The following BLMH variants were observed in gnomAD, a reference collection of about 807,000 sequenced individuals.
BLMH encodes BLM hydrolase.
A neutral mutation model predicts 61.6 loss-of-function variants in BLMH; 32 were observed. That is an observed-to-expected ratio of 0.52 (90% CI 0.39 to 0.70). The LOEUF is 0.70. BLMH is among the 30% of genes least tolerant of loss of function. The pLI is 0.00. For missense variants in BLMH, 460 were observed against 555.5 expected, an observed-to-expected ratio of 0.83 and a Z score of 1.73; for synonymous variants, 183 against 193.8, an observed-to-expected ratio of 0.94 and a Z score of 0.46.
chr17:30,270,142 A>G (rs1040390598), intron 10 of BLMH, among the ~76,000 whole-genome samples: 4 of 152,232 alleles, frequency 2.6e-5, no homozygotes, highest in African/African-American at 9.6e-5. Flanking sequence ...ATATGCTAAG[A>G]TATTTCTAAA....
At chr17:30,286,229 C>T (rs528116083) in intron 5 of BLMH, among the ~76,000 whole-genome samples, 25 of 152,198 alleles carry the variant, frequency 1.6e-4, no homozygotes, top group Non-Finnish European at 3.7e-4. Context: ...TTCTCAAAAA[C>T]CATGCCTGGC....
intron 10 of BLMH, among the ~76,000 whole-genome samples, chr17:30,268,682 A>C (rs929444720): frequency 6.6e-6 from 1 of 151,912 alleles, no homozygotes; most frequent in Non-Finnish European, 1.5e-5. Context: ...AAAAAGCTGA[A>C]TTTTTCTTGG....
chr17:30,279,037 G>A (rs900834185), intron 6 of BLMH, among the ~76,000 whole-genome samples: 14 of 152,164 alleles, frequency 9.2e-5, no homozygotes, highest in Non-Finnish European at 1.8e-4. Context: ...GGGTGGACTT[G>A]GAATATGGGC....
At chr17:30,271,088 T>C (rs1024966154) in intron 10 of BLMH, among the ~76,000 whole-genome samples, 183 bp downstream of exon 10, 4 of 152,348 alleles carry the variant, frequency 2.6e-5, no homozygotes, top group Non-Finnish European at 5.9e-5. Flanking sequence ...AAAGTTCCTA[T>C]TTTTATATTA....
intron 6 of BLMH, among the ~76,000 whole-genome samples, chr17:30,279,082 T>C (rs1391575799): frequency 6.6e-6 from 1 of 152,250 alleles, no homozygotes; most frequent in Non-Finnish European, 1.5e-5. Context: ...GGCAAAGATA[T>C]ACACGGCTCA....
intron 11 of BLMH, among the ~76,000 whole-genome samples, chr17:30,253,510 T>A (rs1266066325): frequency 6.6e-6 from 1 of 152,146 alleles, no homozygotes; most frequent in Non-Finnish European, 1.5e-5. Flanking sequence ...TGACACTGTG[T>A]GTCTTGGAGT....
chr17:30,272,420 T>C, intron 9 of BLMH, 141 bp downstream of exon 9: 1 of 893,842 alleles, frequency 1.1e-6, no homozygotes, highest in African/African-American at 1.7e-5. Flanking sequence ...CCTCAAACTC[T>C]AAAGGATGCA....
In BLMH at chr17:30,285,370, T is replaced by C; in HGVS notation, c.645+18A>G. The stretch of plus-strand genomic sequence containing the variant: ...GTTCCTTAGAGGGGTCACAAAAAAA[T>C]CCAAATTTTGTTATTACCTCCTCCA... On this transcript the variant is annotated intron_variant, in intron 6 of 11. Coordinates refer to ENST00000261714, the MANE Select transcript of BLMH (RefSeq NM_000386.4). 1.3e-6 allele frequency: 2 copies of C among 1,592,224 alleles called. No individual in the cohort carries two copies. The highest frequency in any genetic ancestry group is 1.7e-6 in the Non-Finnish European group (2 of 1,165,806).
chr17:30,286,946 G>T, intron 4 of BLMH, 44 bp from the exon 5 acceptor site: 1 of 1,302,852 alleles, frequency 7.7e-7, no homozygotes, highest in Non-Finnish European at 1.1e-6. Context: ...TAAAAAATTA[G>T]AAACCCTGGC....
chr17:30,255,875 C>T (rs1292797442), intron 11 of BLMH, among the ~76,000 whole-genome samples: 8 of 152,036 alleles, frequency 5.3e-5, no homozygotes, highest in Admixed American at 6.6e-5. Flanking sequence ...CCAGCCTGGG[C>T]GACAGAGTGA....
At chr17:30,278,325 T>C (rs1908481140) in intron 6 of BLMH, among the ~76,000 whole-genome samples, 1 of 152,204 alleles carries the variant, frequency 6.6e-6, no homozygotes, top group Non-Finnish European at 1.5e-5. Context: ...CAAGAGATTA[T>C]ACAGAATTGA....
intron 2 of BLMH, among the ~76,000 whole-genome samples, chr17:30,290,612 TA>T (rs1174202263): frequency 4.6e-5 from 7 of 152,376 alleles, no homozygotes; most frequent in Admixed American, 2.0e-4. Flanking sequence ...GGGTCGTTTT[TA>T]AGTATAGAAA....
At chr17:30,286,726 A>T (rs1386609676) in intron 5 of BLMH, 88 bp downstream of exon 5, 1 of 887,392 alleles carries the variant, frequency 1.1e-6, no homozygotes, top group African/African-American at 1.7e-5. Context: ...CACAAACTGT[A>T]TACAGAGATA....
chr17:30,254,025 T>G (rs17767256), intron 11 of BLMH, among the ~76,000 whole-genome samples: 51,052 of 152,090 alleles, frequency 0.34, 8,837 homozygotes, highest in African/African-American at 0.37. Context: ...TGGGCTAGTT[T>G]AAGGGAAAAA....
chr17:30,274,410 T>A (rs1352979516), intron 6 of BLMH, among the ~76,000 whole-genome samples: 1 of 152,200 alleles, frequency 6.6e-6, no homozygotes, highest in African/African-American at 2.4e-5. Flanking sequence ...ATAAACACTG[T>A]GAACAATGCG....
intron 6 of BLMH, among the ~76,000 whole-genome samples, chr17:30,280,665 A>G (rs535928639): frequency 6.6e-6 from 1 of 152,084 alleles, no homozygotes; most frequent in South Asian, 2.1e-4. Context: ...TCTTGTAGAG[A>G]TGGGGTCTCT....
intron 2 of BLMH, 121 bp from the exon 3 acceptor site, chr17:30,289,603 A>G (rs1008836568): frequency 1.9e-6 from 1 of 521,904 alleles, no homozygotes; most frequent in Non-Finnish European, 3.2e-6. Context: ...GTAAATCAGA[A>G]AGAGCAGAAA....
At chr17:30,270,210 C>T (rs1454257190) in intron 10 of BLMH, among the ~76,000 whole-genome samples, 1 of 152,032 alleles carries the variant, frequency 6.6e-6, no homozygotes, top group East Asian at 1.9e-4. Context: ...TCTATCAAAC[C>T]ATTTTCTAGC....
chr17:30,289,487 A>T lies in BLMH; in HGVS notation c.212-5T>A. 1 of 1,602,316 alleles carries T rather than the reference A, an allele frequency of 6.2e-7. No homozygotes were observed. Reference sequence around the variant, plus strand: ...AAGAAAAGATCCAGCATCGCCCTGAAACAAGAAAGCACATCAAGAAATTAT... The same window carrying T: ...AAGAAAAGATCCAGCATCGCCCTGATACAAGAAAGCACATCAAGAAATTAT... On this transcript the variant is annotated splice_region_variant and splice_polypyrimidine_tract_variant and intron_variant, in intron 2 of 11. Transcript: ENST00000261714.
Sources: gnomAD v4.1 joint callset for allele counts (sites outside exome capture counted in the v4.1 genomes callset) on GRCh38, gnomAD v4.1.1 for gene constraint, MANE v1.5 for transcripts, NCBI Gene and HGNC (gene_info 2026-07-23, HGNC 2026-07-21) for gene names.